The following LRRC75A variants were observed in gnomAD, a reference collection of about 807,000 sequenced individuals.
LRRC75A encodes the protein leucine rich repeat containing 75A, also known as leucine-rich repeat-containing protein 75A.
In LRRC75A, 12 loss-of-function variants were observed where a neutral mutation model predicts 26.0. That is an observed-to-expected ratio of 0.46 (90% CI 0.30 to 0.75). The LOEUF (loss-of-function observed/expected upper bound fraction) is 0.75. Among genes scored for constraint, LRRC75A ranks in the 30% least tolerant of loss-of-function variants. The pLI, the probability that LRRC75A is intolerant of heterozygous loss-of-function variation, is 0.08. For missense variants in LRRC75A, 410 were observed against 486.6 expected (o/e 0.84, Z 1.48); for synonymous variants, 223 against 219.3 (o/e 1.02, Z -0.15).
chr17:16,456,798 C>G (rs1212761773), intron 2 of LRRC75A, among the ~76,000 whole-genome samples: 1 of 152,222 alleles, frequency 6.6e-6, no homozygotes, highest in African/African-American at 2.4e-5. Flanking sequence ...TGGAGCCAGC[C>G]CGCCTGGGCT....
rs1440685269 is a variant in LRRC75A at position 16,491,342 on chromosome 17, C to G, written c.246+403G>C. Among the ~76,000 whole-genome samples, 1 of 152,246 alleles carries G rather than the reference C, an allele frequency of 6.6e-6. No homozygotes were observed. The highest frequency in any genetic ancestry group is 1.5e-5 in the Non-Finnish European group (1 of 68,034). ...CCAAGCCAGGTCCAACTGATAACCG[C>G]ATTCCTTGAGGACCCTCGGCCGGGA... On this transcript the variant is annotated intron_variant, in intron 1 of 3. Transcript: ENST00000470794. This position sits in a 1 kb window ranked among gnomAD's most constrained non-coding sequence, Gnocchi z 5.9.
At chr17:16,448,495 T>A (rs899573964) in intron 2 of LRRC75A, among the ~76,000 whole-genome samples, 1 of 152,186 alleles carries the variant, frequency 6.6e-6, no homozygotes, top group African/African-American at 2.4e-5. Context: ...GCCAAGTCTT[T>A]CCCAGCGCAG....
At chr17:16,465,577 G>A (rs1036261343) in intron 1 of LRRC75A, among the ~76,000 whole-genome samples, 5 of 152,172 alleles carry the variant, frequency 3.3e-5, no homozygotes, top group Non-Finnish European at 5.9e-5. Context: ...CCAGATGACT[G>A]CCTGGGTTTC....
At chr17:16,457,198 C>T (rs552401730) in intron 2 of LRRC75A, among the ~76,000 whole-genome samples, 2 of 152,336 alleles carry the variant, frequency 1.3e-5, no homozygotes, top group East Asian at 1.9e-4. Flanking sequence ...CTCCACTGCC[C>T]TCCATTCAAG....
intron 1 of LRRC75A, among the ~76,000 whole-genome samples, chr17:16,488,423 C>G (rs2093851221): frequency 6.6e-6 from 1 of 152,242 alleles, no homozygotes; most frequent in Non-Finnish European, 1.5e-5. Context: ...CAACCCTGCC[C>G]CTACTGGGGC....
At chr17:16,456,107 G>A in intron 2 of LRRC75A, among the ~76,000 whole-genome samples, 1 of 144,232 alleles carries the variant, frequency 6.9e-6, no homozygotes, top group Admixed American at 6.9e-5. Context: ...AGGGGAGGGG[G>A]AGGAGGAGGA....
intron 1 of LRRC75A, among the ~76,000 whole-genome samples, chr17:16,475,764 G>A (rs1476472864): frequency 6.6e-6 from 1 of 152,084 alleles, no homozygotes; most frequent in African/African-American, 2.4e-5. Context: ...TTGTAGAAAC[G>A]GGCTGAGCAC....
intron 2 of LRRC75A, among the ~76,000 whole-genome samples, chr17:16,456,393 G>A (rs1325482672): frequency 6.8e-6 from 1 of 147,648 alleles, no homozygotes; most frequent in Non-Finnish European, 1.5e-5. Flanking sequence ...AAGAGAAGAA[G>A]GAAAAGGAGG....
At chr17:16,446,565 C>T (rs1364865888) in intron 3 of LRRC75A, among the ~76,000 whole-genome samples, 2 of 151,958 alleles carry the variant, frequency 1.3e-5, no homozygotes, top group South Asian at 2.1e-4. Context: ...AGAGGTGAGA[C>T]GAGGGGGCGA....
Position 16,462,162 on chromosome 17 carries a change from G to T in LRRC75A, c.375+96C>A. ...GGACGGGCTTGTCCTCCTTGGGCCT[G>T]TCTGCCAGTCCTCCTTGGGCATACA... On this transcript the variant is annotated intron_variant, in intron 2 of 3. Coordinates refer to ENST00000470794, the MANE Select transcript of LRRC75A (RefSeq NM_001113567.3). The surrounding 1 kb of genome is among the most constrained non-coding windows in gnomAD (Gnocchi z 4.6). 1 of 1,381,340 alleles carries T rather than the reference G, an allele frequency of 7.2e-7. No homozygotes were observed. The allele number at this position is 1,381,340 out of a possible 1,614,324, so 85.6% of individuals were successfully genotyped here.
At chr17:16,485,533 C>G (rs2093844296) in intron 1 of LRRC75A, among the ~76,000 whole-genome samples, 1 of 152,138 alleles carries the variant, frequency 6.6e-6, no homozygotes, top group African/African-American at 2.4e-5. Context: ...AAATAAGTAT[C>G]TGCTGTTTAT....
intron 2 of LRRC75A, among the ~76,000 whole-genome samples, chr17:16,455,021 C>T (rs1390159218): frequency 6.6e-6 from 1 of 151,996 alleles, no homozygotes; most frequent in Non-Finnish European, 1.5e-5. Context: ...CAACCTCCGT[C>T]TCCCAGGTTC....
At chr17:16,468,637 A>T (rs566639988) in intron 1 of LRRC75A, among the ~76,000 whole-genome samples, 1 of 152,260 alleles carries the variant, frequency 6.6e-6, no homozygotes. Flanking sequence ...GATCAGCTGC[A>T]CAGTAAACAG....
intron 1 of LRRC75A, among the ~76,000 whole-genome samples, chr17:16,476,783 G>C (rs1441922922): frequency 1.5e-5 from 2 of 136,644 alleles, no homozygotes; most frequent in East Asian, 2.2e-4. Context: ...CTATCACCCA[G>C]GCTGGAGTGC....
At chr17:16,458,865 C>A (rs1406356970) in intron 2 of LRRC75A, among the ~76,000 whole-genome samples, 2 of 152,126 alleles carry the variant, frequency 1.3e-5, no homozygotes, top group African/African-American at 2.4e-5. Context: ...GCGGCCCCTG[C>A]AAACCTGACC....
intron 3 of LRRC75A, among the ~76,000 whole-genome samples, chr17:16,444,912 G>A (rs565627020): frequency 7.6e-5 from 11 of 145,162 alleles, no homozygotes; most frequent in Non-Finnish European, 1.3e-4. Flanking sequence ...ACAATGGCAC[G>A]ATCTTGGTTC....
At chr17:16,444,574 C>T (rs1424309926) in intron 3 of LRRC75A, among the ~76,000 whole-genome samples, 1 of 152,120 alleles carries the variant, frequency 6.6e-6, no homozygotes, top group African/African-American at 2.4e-5. Context: ...TCTGAGTCCC[C>T]TCTTTCAAGA....
intron 1 of LRRC75A, among the ~76,000 whole-genome samples, chr17:16,482,748 A>G (rs975640272): frequency 6.6e-6 from 1 of 152,198 alleles, no homozygotes; most frequent in African/African-American, 2.4e-5. Flanking sequence ...CTATGGCATC[A>G]GCGACTGCCC....
At chr17:16,447,758 G>T in intron 3 of LRRC75A, 87 bp downstream of exon 3, 1 of 1,021,592 alleles carries the variant, frequency 9.8e-7, no homozygotes, top group Non-Finnish European at 1.4e-6. Context: ...CCATGACTCC[G>T]CCCTTCCCTT....
Sources: gnomAD v4.1 joint callset for allele counts (sites outside exome capture counted in the v4.1 genomes callset) on GRCh38, gnomAD v4.1.1 for gene constraint, Gnocchi (gnomAD v3.1) non-coding constraint, MANE v1.5 for transcripts, NCBI Gene and HGNC (gene_info 2026-07-23, HGNC 2026-07-21) for gene names.